STN1: variants seen among roughly 807,000 people sequenced by gnomAD.
STN1 encodes the protein STN1 subunit of CST complex, also known as CST complex subunit STN1.
STN1 carries 29 observed loss-of-function variants against 45.5 expected under a neutral mutation model. The ratio of observed to expected loss-of-function variants is 0.64; its 90% confidence interval spans 0.47 to 0.87. The LOEUF (loss-of-function observed/expected upper bound fraction) is 0.87. Ranked by LOEUF, STN1 falls within the 40% of genes least tolerant of loss-of-function variation. The pLI is 0.00. For missense variants in STN1, 376 were observed against 441.4 expected (o/e 0.85, Z 1.33); for synonymous variants, 148 against 159.0 (o/e 0.93, Z 0.52).
intron 3 of STN1, among the ~76,000 whole-genome samples, chr10:103,906,615 C>T (rs1375755980): frequency 6.6e-6 from 1 of 152,096 alleles, no homozygotes; most frequent in Non-Finnish European, 1.5e-5. Context: ...GAGCCATGAT[C>T]ATGCCACTGC....
chr10:103,903,345 A>G (rs1326410877), intron 4 of STN1, among the ~76,000 whole-genome samples: 1 of 152,218 alleles, frequency 6.6e-6, no homozygotes, highest in Non-Finnish European at 1.5e-5. Flanking sequence ...AGATTGTGAC[A>G]ACAACCAAAA....
chr10:103,914,615 A>G (rs1053257814), intron 2 of STN1, among the ~76,000 whole-genome samples: 7 of 151,600 alleles, frequency 4.6e-5, no homozygotes, highest in Admixed American at 4.6e-4. Flanking sequence ...GGCCTCCCAA[A>G]GTGCTGGGAT....
intron 8 of STN1, 61 bp downstream of exon 8, chr10:103,892,069 G>A (rs1843143018): frequency 8.4e-6 from 11 of 1,302,110 alleles, no homozygotes; most frequent in South Asian, 1.4e-5. Flanking sequence ...TTATTCATAA[G>A]TAATAAATAT....
In STN1 at chr10:103,900,117, G is replaced by T; in HGVS notation, c.402C>A (p.Val134=). 4 of 1,614,200 alleles carry T rather than the reference G, an allele frequency of 2.5e-6. No homozygotes were observed. The highest frequency in any genetic ancestry group is 3.4e-6 in the Non-Finnish European group (4 of 1,180,040). ...TKIEIGDTIR[V]RGSIRTYREE... ...CTCTGTATGTGCGGATACTGCCTCT[G>T]ACTCGGATCGTGTCCCCGATCTCTA... Residue 134 remains valine, a synonymous_variant, in exon 5 of 10, where the codon GTC becomes GTA. Transcript: ENST00000224950.
Position 103,917,583 on chromosome 10 carries a change from T to G in STN1, c.12A>C (p.Gly4=). 1 of 1,613,984 alleles carries G rather than the reference T, an allele frequency of 6.2e-7. No homozygotes were observed. The highest frequency in any genetic ancestry group is 8.5e-7 in the Non-Finnish European group (1 of 1,179,920). The stretch of plus-strand genomic sequence containing the variant: ...GGGTCTCCTCTTCACACCGGCTGGA[T>G]CCAGGCTGCATCAAGAGGCAGGGCT... The part of the protein sequence containing the change: MQP[G]SSRCEEETPS... Residue 4 remains glycine (G), a synonymous_variant, in exon 2 of 10, where the codon GGA becomes GGC. Coordinates refer to ENST00000224950, the MANE Select transcript of STN1 (RefSeq NM_024928.5).
intron 4 of STN1, among the ~76,000 whole-genome samples, chr10:103,903,211 G>A (rs576805217): frequency 9.8e-4 from 149 of 152,270 alleles, no homozygotes; most frequent in African/African-American, 3.4e-3. Flanking sequence ...TAATGGCAGC[G>A]TTGAATAGTT....
At chr10:103,904,915 C>A (rs1021298525) in intron 4 of STN1, among the ~76,000 whole-genome samples, 176 bp downstream of exon 4, 5 of 152,196 alleles carry the variant, frequency 3.3e-5, no homozygotes, top group African/African-American at 7.2e-5. Flanking sequence ...AACTGGCTCT[C>A]CTATGGCATC....
intron 3 of STN1, among the ~76,000 whole-genome samples, chr10:103,906,521 C>T (rs1843242372): frequency 6.6e-6 from 1 of 151,962 alleles, no homozygotes; most frequent in South Asian, 2.1e-4. Flanking sequence ...ATTAGCCAGG[C>T]TTGGTGGTAT....
At chr10:103,887,889 C>T (rs757122604) in intron 9 of STN1, among the ~76,000 whole-genome samples, 10 of 152,270 alleles carry the variant, frequency 6.6e-5, no homozygotes, top group South Asian at 2.1e-4. Flanking sequence ...AGGAGGCCTG[C>T]GAATAGGGTG....
chr10:103,892,188 A>T lies in STN1; in HGVS notation c.818T>A (p.Leu273Gln). The T allele has an allele frequency of 6.2e-7, 1 of 1,612,616 alleles. No homozygotes were observed. The highest frequency in any genetic ancestry group is 1.3e-5 in the African/African-American group (1 of 75,014). The change falls in exon 8 of 10, where the codon CTG (leucine) becomes CAG (glutamine). Residue 273 changes from leucine to glutamine, a missense_variant. By Grantham distance (113) the Leu-to-Gln change is moderately radical. Transcript: ENST00000224950. The stretch of plus-strand genomic sequence containing the variant: ...GAAAACAAGTCCTTTTTCCTGCAGC[A>T]GTTGTATAGCATTCTTAAATATACT... Reference protein sequence around the residue: ...IHSIFKNAIQLLQEKGLVFQK... With the variant: ...IHSIFKNAIQQLQEKGLVFQK...
Position 103,910,758 on chromosome 10 carries a change from A to T in STN1, c.134-136T>A. 3 of 561,898 alleles carry T rather than the reference A, an allele frequency of 5.3e-6. No individual in the cohort carries two copies. The Admixed American group carries it at 8.9e-5, about 17-fold the overall frequency. 34.8% of individuals were successfully genotyped at this position (561,898 alleles called of 1,614,324 possible). A position where few individuals can be genotyped will look rare whatever the true frequency, so the allele number is the denominator to read the frequency against. On this transcript the variant is annotated intron_variant, in intron 2 of 9. Coordinates refer to ENST00000224950, the MANE Select transcript of STN1 (RefSeq NM_024928.5). ...TGCTGAAATTCTAGACTTAAGAATC[A>T]GTCCTTGACAAATGACAACGCCCCA...
At chr10:103,911,640 TCAA>T (rs1174061828) in intron 2 of STN1, among the ~76,000 whole-genome samples, 2 of 152,184 alleles carry the variant, frequency 1.3e-5, no homozygotes, top group East Asian at 3.8e-4. Context: ...CCTTGGTGTC[TCAA>T]AGTGCTGGGA....
intron 4 of STN1, among the ~76,000 whole-genome samples, chr10:103,903,858 CT>C (rs1209012524): frequency 6.6e-6 from 1 of 152,150 alleles, no homozygotes; most frequent in African/African-American, 2.4e-5. Flanking sequence ...AGGTATCTGC[CT>C]AAAAACACGT....
intron 3 of STN1, among the ~76,000 whole-genome samples, chr10:103,906,141 T>C (rs1432077083): frequency 6.6e-6 from 1 of 152,154 alleles, no homozygotes; most frequent in Non-Finnish European, 1.5e-5. Context: ...AAATAAATCC[T>C]AGATGGGTTT....
chr10:103,899,074 ACTG>A (rs1843190312), intron 5 of STN1, 74 bp from the exon 6 acceptor site: 2 of 1,528,308 alleles, frequency 1.3e-6, no homozygotes, highest in Non-Finnish European at 1.8e-6. Flanking sequence ...CCAGGCCCAA[ACTG>A]CTGCTAAGAC....
At chr10:103,911,610 G>A (rs187580742) in intron 2 of STN1, among the ~76,000 whole-genome samples, 22 of 152,038 alleles carry the variant, frequency 1.4e-4, no homozygotes, top group East Asian at 1.2e-3. Context: ...TTGAACTCCC[G>A]GCCTCAAGCG....
At chr10:103,894,543 TTA>T (rs1347063351) in intron 7 of STN1, among the ~76,000 whole-genome samples, 1 of 152,208 alleles carries the variant, frequency 6.6e-6, no homozygotes, top group Non-Finnish European at 1.5e-5. Flanking sequence ...CCTGGCCTAG[TTA>T]TAAAGACCAT....
At chr10:103,909,418 ATATATG>A (rs1843269221) in intron 3 of STN1, among the ~76,000 whole-genome samples, 1 of 39,532 alleles carries the variant, frequency 2.5e-5, no homozygotes, top group Admixed American at 3.0e-4. Flanking sequence ...GTATATATGT[ATATATG>A]TATATATATG....
rs748542718 is a variant in STN1 at position 103,881,338 on chromosome 10, A to T, written c.*1346T>A. ...CTGGGCAGCCCCACTAATCAGATGC[A>T]TTCAACGTGGAACAGCTGCTGACCT... On this transcript the variant is annotated 3_prime_UTR_variant, in exon 10 of 10. Transcript: ENST00000224950. Among the ~76,000 whole-genome samples the T allele has an allele frequency of 1.4e-4, 21 of 152,226 alleles. No individual in the cohort carries two copies. The highest frequency in any genetic ancestry group is 2.5e-4 in the Non-Finnish European group (17 of 68,034).
Sources: allele counts gnomAD v4.1 joint callset (sites outside exome capture counted in the v4.1 genomes callset), GRCh38; gene constraint gnomAD v4.1.1; transcripts MANE v1.5; gene names NCBI Gene and HGNC (gene_info 2026-07-23, HGNC 2026-07-21).